CERKL: variants seen among roughly 807,000 people sequenced by gnomAD.
CERKL encodes the protein CERK like autophagy regulator, also known as ceramide kinase-like protein.
A neutral mutation model predicts 63.4 loss-of-function variants in CERKL; 61 were observed. That is an observed-to-expected ratio of 0.96 (90% CI 0.78 to 1.19). The LOEUF (loss-of-function observed/expected upper bound fraction) is 1.19. CERKL is among the 50% of genes most tolerant of loss of function. The pLI is 0.00. For missense variants in CERKL, 675 were observed against 655.5 expected (o/e 1.03, Z -0.33); for synonymous variants, 250 against 230.5 (o/e 1.08, Z -0.77).
chr2:181,653,036 G>A (rs10208667), intron 1 of CERKL, among the ~76,000 whole-genome samples: 23,322 of 152,224 alleles, frequency 0.15, 4,416 homozygotes, highest in African/African-American at 0.45. Flanking sequence ...GCCTCCCAAA[G>A]TGCTGGGATT....
At chr2:181,646,632 A>G (rs915300504) in intron 1 of CERKL, among the ~76,000 whole-genome samples, 9 of 152,152 alleles carry the variant, frequency 5.9e-5, no homozygotes, top group African/African-American at 1.7e-4. Flanking sequence ...AGTCCTTGGG[A>G]CTCCACCATT....
chr2:181,557,628 C>T (rs1028358130), intron 5 of CERKL, among the ~76,000 whole-genome samples: 1 of 152,136 alleles, frequency 6.6e-6, no homozygotes, highest in African/African-American at 2.4e-5. Flanking sequence ...TCATTCCACA[C>T]GGTGAGGCAA....
rs970919160 is a variant in CERKL at position 181,654,634 on chromosome 2, C to T, written c.238+2135G>A. ...CCCACCACATCCTACCATATCATGT[C>T]CTCCCAAGTACAGTAACTTTGATGT... On this transcript the variant is annotated intron_variant, in intron 1 of 12. Coordinates refer to ENST00000410087, the MANE Select transcript of CERKL (RefSeq NM_201548.5). Among the ~76,000 whole-genome samples the T allele has an allele frequency of 9.2e-5, 14 of 152,310 alleles. No individual in the cohort carries two copies. In the South Asian group the frequency reaches 1.0e-3, roughly 11 times the overall value.
At chr2:181,648,746 C>T (rs1335569590) in intron 1 of CERKL, among the ~76,000 whole-genome samples, 1 of 152,116 alleles carries the variant, frequency 6.6e-6, no homozygotes, top group African/African-American at 2.4e-5. Context: ...GGCTAGGGAA[C>T]ACATACTAAA....
chr2:181,591,139 G>C (rs1684974249), intron 2 of CERKL, among the ~76,000 whole-genome samples: 1 of 152,102 alleles, frequency 6.6e-6, no homozygotes, highest in Non-Finnish European at 1.5e-5. Flanking sequence ...AGTTTAAAAG[G>C]AAAGTGGCAA....
chr2:181,573,931 T>G (rs1386926005), intron 2 of CERKL, 47 bp from the exon 3 acceptor site: 1 of 1,581,368 alleles, frequency 6.3e-7, no homozygotes, highest in African/African-American at 1.4e-5. Context: ...TTGTCATCAT[T>G]TTTTTTCTTT....
intron 2 of CERKL, among the ~76,000 whole-genome samples, chr2:181,574,976 C>A (rs571369348): frequency 2.6e-5 from 4 of 152,264 alleles, no homozygotes; most frequent in South Asian, 2.1e-4. Flanking sequence ...CTGCCTAGGG[C>A]CCTTTTTGGT....
chr2:181,628,097 G>A (rs995384128), intron 1 of CERKL, among the ~76,000 whole-genome samples: 1 of 65,804 alleles, frequency 1.5e-5, no homozygotes, highest in African/African-American at 1.3e-4. Context: ...ATTTTTTTGT[G>A]TTAAAAAAAA....
At chr2:181,556,414 C>T (rs1032458535) in intron 5 of CERKL, among the ~76,000 whole-genome samples, 1 of 151,906 alleles carries the variant, frequency 6.6e-6, no homozygotes, top group Non-Finnish European at 1.5e-5. Context: ...CCACAACAGG[C>T]CCCAGTGTGT....
chr2:181,578,860 C>T (rs964059928), intron 2 of CERKL, among the ~76,000 whole-genome samples: 9 of 151,990 alleles, frequency 5.9e-5, no homozygotes, highest in Non-Finnish European at 8.8e-5. Context: ...TCTTCCTTTA[C>T]TGCAAATAAC....
intron 5 of CERKL, among the ~76,000 whole-genome samples, chr2:181,556,049 G>A (rs796555536): frequency 3.9e-5 from 6 of 151,974 alleles, no homozygotes; most frequent in African/African-American, 1.2e-4. Flanking sequence ...ACTGCACCCG[G>A]CCTTATTAAA....
At chr2:181,637,669 T>C (rs1687240149) in intron 1 of CERKL, among the ~76,000 whole-genome samples, 1 of 152,228 alleles carries the variant, frequency 6.6e-6, no homozygotes, top group African/African-American at 2.4e-5. Flanking sequence ...AAGGGAAACA[T>C]AAAAGCTATA....
intron 10 of CERKL, among the ~76,000 whole-genome samples, chr2:181,545,909 C>T (rs1025611742): frequency 6.6e-6 from 1 of 152,118 alleles, no homozygotes; most frequent in Admixed American, 6.6e-5. Flanking sequence ...TATATGAACA[C>T]ATTTAATCTT....
intron 4 of CERKL, 21 bp downstream of exon 4, chr2:181,566,037 T>C (rs1340124880): frequency 2.0e-6 from 3 of 1,489,262 alleles, no homozygotes; most frequent in African/African-American, 1.4e-5. Context: ...ATAACATATA[T>C]TGATTAATAA....
chr2:181,630,223 C>T (rs1385983908), intron 1 of CERKL, among the ~76,000 whole-genome samples: 1 of 151,892 alleles, frequency 6.6e-6, no homozygotes, highest in Non-Finnish European at 1.5e-5. Context: ...CTCCCCCTGC[C>T]CCCCCAGAGT....
chr2:181,591,827 C>T (rs1685001568), intron 2 of CERKL, among the ~76,000 whole-genome samples: 1 of 152,146 alleles, frequency 6.6e-6, no homozygotes, highest in African/African-American at 2.4e-5. Flanking sequence ...GTATGACCTC[C>T]TAACCACTAG....
intron 2 of CERKL, among the ~76,000 whole-genome samples, chr2:181,598,481 G>T (rs897181445): frequency 6.6e-6 from 1 of 151,838 alleles, no homozygotes; most frequent in African/African-American, 2.4e-5. Flanking sequence ...GACCCCAAAG[G>T]CCTCGGCACA....
intron 2 of CERKL, among the ~76,000 whole-genome samples, chr2:181,581,268 G>A (rs1189261272): frequency 6.6e-6 from 1 of 152,136 alleles, no homozygotes; most frequent in Non-Finnish European, 1.5e-5. Flanking sequence ...AAACCTCAGT[G>A]TGTCAGCAAA....
intron 3 of CERKL, 94 bp downstream of exon 3, chr2:181,573,659 G>C: frequency 9.1e-7 from 1 of 1,097,466 alleles, no homozygotes; most frequent in Non-Finnish European, 1.4e-6. Flanking sequence ...GATATTACAA[G>C]TAGTTTCCCA....
Sources: gnomAD v4.1 joint callset for allele counts (sites outside exome capture counted in the v4.1 genomes callset) on GRCh38, gnomAD v4.1.1 for gene constraint, MANE v1.5 for transcripts, NCBI Gene and HGNC (gene_info 2026-07-23, HGNC 2026-07-21) for gene names.